The following PTPRD variants were observed in gnomAD, a reference collection of about 807,000 sequenced individuals.
PTPRD encodes receptor-type tyrosine-protein phosphatase delta.
PTPRD carries 34 observed loss-of-function variants against 214.5 expected under a neutral mutation model. The observed-to-expected ratio is 0.16, with a 90% CI of 0.12 to 0.21. The LOEUF (loss-of-function observed/expected upper bound fraction) is 0.21, where lower values mean the gene tolerates loss of function less well. Among genes scored for constraint, PTPRD ranks in the 10% least tolerant of loss-of-function variants. The pLI, the probability that PTPRD is intolerant of heterozygous loss-of-function variation, is 1.00. For missense variants in PTPRD, 2,545 were observed against 2,398.7 expected (o/e 1.06, Z -1.27); for synonymous variants, 1,128 against 845.7 (o/e 1.33, Z -5.79).
intron 30 of PTPRD, 63 bp downstream of exon 30, chr9:8,484,056 A>G: frequency 2.6e-6 from 4 of 1,541,362 alleles, no homozygotes; most frequent in Non-Finnish European, 3.5e-6. Flanking sequence ...TATAATTTTG[A>G]GATATAATGT....
rs1221522712 is a variant in PTPRD at position 8,514,315 on chromosome 9, G to C, written c.1543+3533C>G. Among the ~76,000 whole-genome samples, 4 of 152,062 alleles carry C rather than the reference G, an allele frequency of 2.6e-5. No individual in the cohort carries two copies. The East Asian group carries it at 7.7e-4, about 29-fold the overall frequency. ...TAAGATTCACATTTTGGTTGGATTA[G>C]GTTTAGGAAAAATTTTGTTTCTCAG... is the stretch of plus-strand genomic sequence containing the variant. On this transcript the variant is annotated intron_variant, in intron 21 of 45. Transcript: ENST00000381196.
At chr9:9,593,501 T>C (rs143783466) in intron 7 of PTPRD, among the ~76,000 whole-genome samples, 3 of 152,080 alleles carry the variant, frequency 2.0e-5, no homozygotes, top group African/African-American at 7.2e-5. Context: ...TGAGAGAATA[T>C]GGATTTTGAG....
intron 2 of PTPRD, among the ~76,000 whole-genome samples, chr9:10,402,277 T>A (rs1050695001): frequency 1.3e-5 from 2 of 151,674 alleles, no homozygotes; most frequent in African/African-American, 2.4e-5. Context: ...ATTACAGAAC[T>A]GACAAAAATA....
At chr9:9,322,732 G>A (rs995353797) in intron 9 of PTPRD, among the ~76,000 whole-genome samples, 8 of 152,066 alleles carry the variant, frequency 5.3e-5, no homozygotes, top group African/African-American at 1.2e-4. Flanking sequence ...GGTTTCAACC[G>A]TTTTGTAGAG....
intron 2 of PTPRD, among the ~76,000 whole-genome samples, chr9:10,381,371 C>A (rs894357139): frequency 6.6e-6 from 1 of 151,984 alleles, no homozygotes; most frequent in Non-Finnish European, 1.5e-5. Flanking sequence ...CTCTGTAAGC[C>A]AGATTCATCA....
rs111838733 is a variant in PTPRD at position 9,601,266 on chromosome 9, G to T, written c.-286-26485C>A. Among the ~76,000 whole-genome samples the T allele has an allele frequency of 4.7e-3, 718 of 151,836 alleles. 1 individual carries two copies. The highest frequency in any genetic ancestry group is 0.01 in the Middle Eastern group (3 of 294). On this transcript the variant is annotated intron_variant, in intron 7 of 45. Coordinates refer to ENST00000381196, the MANE Select transcript of PTPRD (RefSeq NM_002839.4). ...TTGATAAAAATTTTCTTTTTGCATG[G>T]TCAAAGATGAAGCTTTGTGAGATTT...
At chr9:9,926,859 A>G (rs1389712842) in intron 5 of PTPRD, among the ~76,000 whole-genome samples, 2 of 152,204 alleles carry the variant, frequency 1.3e-5, no homozygotes, top group African/African-American at 4.8e-5. Flanking sequence ...TTTCAGTGTT[A>G]TATCATAAAT....
intron 3 of PTPRD, among the ~76,000 whole-genome samples, chr9:10,085,189 T>C (rs1468390957): frequency 1.3e-5 from 2 of 151,916 alleles, no homozygotes; most frequent in Admixed American, 6.6e-5. Context: ...ATATGCATAA[T>C]ATTTGTGTAA....
intron 11 of PTPRD, among the ~76,000 whole-genome samples, chr9:8,935,219 A>G (rs2098988704): frequency 6.6e-6 from 1 of 152,168 alleles, no homozygotes; most frequent in African/African-American, 2.4e-5. Context: ...AGACTTCACC[A>G]AAAAACTGTT....
At chr9:10,109,904 A>T (rs963518101) in intron 3 of PTPRD, among the ~76,000 whole-genome samples, 1 of 152,226 alleles carries the variant, frequency 6.6e-6, no homozygotes, top group South Asian at 2.1e-4. Flanking sequence ...AGCAGCCCCA[A>T]ACTGTCAAAA....
chr9:10,612,977 G>T lies in PTPRD; in HGVS notation c.-997C>A, dbSNP rs1281615011. Among the ~76,000 whole-genome samples the T allele has an allele frequency of 6.6e-5, 10 of 151,264 alleles. No individual in the cohort carries two copies. Among genetic ancestry groups the T allele is most frequent in the Admixed American group, 5.9e-4 (9 of 15,176 alleles). On this transcript the variant is annotated 5_prime_UTR_variant, in exon 1 of 46. Transcript: ENST00000381196. Reference sequence around the variant, plus strand: ...CGCACTCGCTCGCTCGCTCGCTGGCGCTCCCTCCTCGTCTCGCTCGCACTC... The same window carrying T: ...CGCACTCGCTCGCTCGCTCGCTGGCTCTCCCTCCTCGTCTCGCTCGCACTC...
intron 5 of PTPRD, among the ~76,000 whole-genome samples, chr9:9,853,458 A>C (rs1415210385): frequency 6.6e-6 from 1 of 152,194 alleles, no homozygotes; most frequent in Non-Finnish European, 1.5e-5. Flanking sequence ...TAGTTTGCTA[A>C]TGCCTAGCTC....
intron 33 of PTPRD, chr9:8,454,606 T>G: frequency 1.2e-6 from 2 of 1,612,486 alleles, no homozygotes; most frequent in African/African-American, 1.3e-5. Flanking sequence ...TCCATTTTAA[T>G]GCAGCAAAAA....
chr9:10,073,407 G>T (rs1472804920), intron 3 of PTPRD, among the ~76,000 whole-genome samples: 3 of 152,054 alleles, frequency 2.0e-5, no homozygotes, highest in African/African-American at 4.8e-5. Flanking sequence ...TGATAAAGTT[G>T]TCTGTCACTG....
At chr9:10,278,463 C>G (rs569228372) in intron 3 of PTPRD, among the ~76,000 whole-genome samples, 65 of 152,264 alleles carry the variant, frequency 4.3e-4, no homozygotes, top group Middle Eastern at 3.4e-3. Flanking sequence ...CCTCCAAAAT[C>G]AGACAACTTC....
At chr9:8,984,945 G>A (rs566872450) in intron 11 of PTPRD, among the ~76,000 whole-genome samples, 1 of 152,100 alleles carries the variant, frequency 6.6e-6, no homozygotes, top group Admixed American at 6.6e-5. Flanking sequence ...TATTTGCTCA[G>A]GACCCATTTT....
chr9:9,887,012 G>A (rs1273450806), intron 5 of PTPRD, among the ~76,000 whole-genome samples: 3 of 152,070 alleles, frequency 2.0e-5, no homozygotes, highest in East Asian at 1.9e-4. Flanking sequence ...ACCATGAGAG[G>A]CCATAAACTT....
intron 8 of PTPRD, among the ~76,000 whole-genome samples, chr9:9,505,032 G>A (rs1205901457): frequency 6.6e-6 from 1 of 151,524 alleles, no homozygotes; most frequent in South Asian, 2.1e-4. Flanking sequence ...AGTAGTCAAG[G>A]ACACTTCCTC....
chr9:10,115,024 T>C (rs150692695), intron 3 of PTPRD, among the ~76,000 whole-genome samples: 2,954 of 149,186 alleles, frequency 0.02, 84 homozygotes, highest in African/African-American at 0.068. Flanking sequence ...GCATTACTTA[T>C]TGGATAAGAA....
Sources: gnomAD v4.1 joint callset for allele counts (sites outside exome capture counted in the v4.1 genomes callset) on GRCh38, gnomAD v4.1.1 for gene constraint, MANE v1.5 for transcripts, NCBI Gene and HGNC (gene_info 2026-07-23, HGNC 2026-07-21) for gene names.